The following EP400 variants were observed in gnomAD, a reference collection of about 807,000 sequenced individuals.
EP400 encodes E1A binding protein p400.
Under a neutral mutation model 354.1 loss-of-function variants are expected in EP400, and 105 were observed. The observed-to-expected ratio is 0.30, with a 90% CI of 0.25 to 0.35. The LOEUF is 0.35. Among genes scored for constraint, EP400 ranks in the 10% least tolerant of loss-of-function variants. The pLI is 1.00. For synonymous variants in EP400, 1,646 were observed against 1,716.9 expected, an observed-to-expected ratio of 0.96 and a Z score of 1.02; for missense variants, 3,280 against 4,121.0, an observed-to-expected ratio of 0.80 and a Z score of 5.59.
chr12:132,062,443 C>T, intron 46 of EP400, 23 bp from the exon 47 acceptor site: 1 of 1,612,956 alleles, frequency 6.2e-7, no homozygotes. Context: ...CTGTCCAGAC[C>T]TAATGAGCAA....
At chr12:131,991,705 C>T (rs1227899219) in intron 10 of EP400, among the ~76,000 whole-genome samples, 2 of 151,702 alleles carry the variant, frequency 1.3e-5, no homozygotes, top group East Asian at 1.9e-4. Context: ...CTCAGCCTCC[C>T]GAGTAGCTAG....
At chr12:131,963,494 A>T in intron 2 of EP400, 1 of 1,510,018 alleles carries the variant, frequency 6.6e-7, no homozygotes, top group South Asian at 1.1e-5. Flanking sequence ...AGTTGTAAAA[A>T]TTATGTTGCC....
chr12:131,960,158 C>G (rs1891830699), intron 1 of EP400, among the ~76,000 whole-genome samples: 1 of 152,186 alleles, frequency 6.6e-6, no homozygotes, highest in South Asian at 2.1e-4. Context: ...GGCTTCAGAC[C>G]TTGCTCTTCT....
At chr12:131,972,100 A>T (rs1432965697) in intron 2 of EP400, among the ~76,000 whole-genome samples, 1 of 151,936 alleles carries the variant, frequency 6.6e-6, no homozygotes, top group Non-Finnish European at 1.5e-5. Flanking sequence ...GGAAACATCC[A>T]TTGCTTTAGG....
At chr12:132,020,434 C>T (rs1169450929) in intron 22 of EP400, among the ~76,000 whole-genome samples, 1 of 152,208 alleles carries the variant, frequency 6.6e-6, no homozygotes, top group Non-Finnish European at 1.5e-5. Flanking sequence ...AGAAGCTTCA[C>T]TCCTAGGTGA....
rs117048000 is a variant in EP400 at position 132,036,879 on chromosome 12, G to C, written c.5952-803G>C. Among the ~76,000 whole-genome samples, 187 of 152,230 alleles carry C rather than the reference G, an allele frequency of 1.2e-3. No individual in the cohort carries two copies. The East Asian group carries it at 0.034, about 27-fold the overall frequency. The stretch of plus-strand genomic sequence containing the variant: ...CCTTTATCACGTATTTAGTTCCTTT[G>C]TTTGTGTCTGGGTTCACGTCTTCAC... On this transcript the variant is annotated intron_variant, in intron 30 of 52. Transcript: ENST00000389561.
At chr12:132,051,339 C>T (rs1349708913) in intron 41 of EP400, among the ~76,000 whole-genome samples, 1 of 152,140 alleles carries the variant, frequency 6.6e-6, no homozygotes, top group Non-Finnish European at 1.5e-5. Flanking sequence ...GAAATAAAGA[C>T]ACAAGACAGA....
chr12:131,971,145 AG>A (rs1566166155), intron 2 of EP400, among the ~76,000 whole-genome samples: 1 of 152,146 alleles, frequency 6.6e-6, no homozygotes, highest in Non-Finnish European at 1.5e-5. Context: ...TTGAGGCTGC[AG>A]TGAGCTGTGA....
At position 131,994,719 on chromosome 12, in the gene EP400, A is replaced by T; in HGVS notation, c.2738-148A>T. 1.7e-6 allele frequency: 1 copy of T among 586,846 alleles called. No homozygotes were observed. Among genetic ancestry groups the T allele is most frequent in the Non-Finnish European group, 3.0e-6 (1 of 336,978 alleles). 36.4% of individuals were successfully genotyped at this position (586,846 alleles called of 1,614,324 possible). ...TACACTTCCAGTTTCCTGCCCATTT[A>T]ATTAAATTTAACCTGAGAAGTTTAA... On this transcript the variant is annotated intron_variant, in intron 11 of 52. Transcript: ENST00000389561. This position sits in a 1 kb window ranked among gnomAD's most constrained non-coding sequence, Gnocchi z 4.6.
At position 131,991,415 on chromosome 12, in the gene EP400, T is replaced by C. The variant is rs148977141; in HGVS notation, c.2638T>C (p.Leu880=). 1.4e-5 allele frequency: 23 copies of C among 1,613,822 alleles called. No homozygotes were observed. In the South Asian group the frequency reaches 2.5e-4, roughly 18 times the overall value. The part of the protein sequence containing the change: ...LQKVSRRGKE[L]RPKGFDALQE... ...GCTCCTTGTCTCTCTAGGGAAAGAA[T>C]TGAGACCTAAAGGATTTGACGCATT... The change falls in exon 10 of 53, where the codon TTG becomes CTG. Residue 880 remains leucine, a synonymous_variant. Coordinates refer to ENST00000389561, the MANE Select transcript of EP400 (RefSeq NM_015409.5).
chr12:132,005,288 TA>T (rs1352308573), intron 13 of EP400, 104 bp downstream of exon 13: 3 of 760,896 alleles, frequency 3.9e-6, no homozygotes, highest in Non-Finnish European at 5.9e-6. Context: ...TTTGATAAAA[TA>T]AAAAATTAGA....
intron 1 of EP400, among the ~76,000 whole-genome samples, chr12:131,956,243 G>C (rs1326875659): frequency 6.6e-6 from 1 of 152,152 alleles, no homozygotes; most frequent in Non-Finnish European, 1.5e-5. Context: ...GGTTGTGTCT[G>C]TTGTATGGCT....
Position 132,078,641 on chromosome 12 carries a change from A to AC in EP400, c.*972dup, listed in dbSNP as rs1373222925. On this transcript the variant is annotated 3_prime_UTR_variant, in exon 53 of 53. Coordinates refer to ENST00000389561, the MANE Select transcript of EP400 (RefSeq NM_015409.5). ...GTGAGCCAGGACGAATGTGACAGAC[A>AC]CCCCTTGCTGCCACAGTCAGCCCTT... 1.3e-5 allele frequency: 2 copies of AC among 152,224 alleles called. No individual in the cohort carries two copies. The highest frequency in any genetic ancestry group is 2.9e-5 in the Non-Finnish European group (2 of 68,070). 9.4% of individuals were successfully genotyped at this position (152,224 alleles called of 1,614,324 possible).
chr12:131,974,882 C>G (rs895740153), intron 2 of EP400, among the ~76,000 whole-genome samples: 1 of 147,314 alleles, frequency 6.8e-6, no homozygotes, highest in Non-Finnish European at 1.5e-5. Context: ...TCCAGCTACT[C>G]GGGAGGCTGA....
At chr12:131,975,908 C>T (rs1469430811) in intron 2 of EP400, among the ~76,000 whole-genome samples, 1 of 151,924 alleles carries the variant, frequency 6.6e-6, no homozygotes, top group African/African-American at 2.4e-5. Flanking sequence ...ATTATATTGC[C>T]CAGGCTGATT....
At chr12:132,049,754 T>C (rs111462029) in intron 39 of EP400, among the ~76,000 whole-genome samples, 314 of 152,348 alleles carry the variant, frequency 2.1e-3, no homozygotes, top group African/African-American at 7.3e-3. Flanking sequence ...TTTAAAATTC[T>C]GCAGGATTCT....
chr12:132,004,634 TTGAG>T (rs1893521146), intron 12 of EP400, among the ~76,000 whole-genome samples: 2 of 152,242 alleles, frequency 1.3e-5, no homozygotes, highest in Admixed American at 6.5e-5. Context: ...GTGAATACAA[TTGAG>T]TTTCTTTCAA....
In EP400 at chr12:131,986,782, A is replaced by T; in HGVS notation, c.2198A>T (p.Asp733Val). 1.2e-6 allele frequency: 2 copies of T among 1,610,996 alleles called. No homozygotes were observed. Among genetic ancestry groups the T allele is most frequent in the Non-Finnish European group, 1.7e-6 (2 of 1,178,316 alleles). Residue 733 changes from aspartate to valine, a missense_variant, in exon 6 of 53, where the codon GAT (aspartate) becomes GTT (valine). By Grantham distance (152) the Asp-to-Val change is radical (BLOSUM62 -3). Coordinates refer to ENST00000389561, the MANE Select transcript of EP400 (RefSeq NM_015409.5). ...NATSSQDSSQ[D>V]TLTEQITLEN... ...ACCTCGTCCCAAGACAGTTCTCAGG[A>T]TACGCTGACAGAACAAATAACTCTG... is the stretch of plus-strand genomic sequence containing the variant.
intron 2 of EP400, among the ~76,000 whole-genome samples, chr12:131,974,718 C>G (rs1314552198): frequency 6.6e-6 from 1 of 152,028 alleles, no homozygotes; most frequent in African/African-American, 2.4e-5. Context: ...ATTTTAAAGA[C>G]AAGAGTATCT....
Sources: gnomAD v4.1 joint callset for allele counts (sites outside exome capture counted in the v4.1 genomes callset) on GRCh38, gnomAD v4.1.1 for gene constraint, Gnocchi (gnomAD v3.1) non-coding constraint, MANE v1.5 for transcripts, NCBI Gene and HGNC (gene_info 2026-07-23, HGNC 2026-07-21) for gene names.